The following IGF2BP2 variants were observed in gnomAD, a reference collection of about 807,000 sequenced individuals.
The protein encoded by IGF2BP2 is insulin like growth factor 2 mRNA binding protein 2, also known as insulin-like growth factor 2 mRNA-binding protein 2.
IGF2BP2 carries 17 observed loss-of-function variants against 75.8 expected under a neutral mutation model. The ratio of observed to expected loss-of-function variants is 0.22; its 90% CI spans 0.15 to 0.34. The LOEUF (loss-of-function observed/expected upper bound fraction) is 0.34. IGF2BP2 is among the 10% of genes least tolerant of loss of function. IGF2BP2 has a pLI of 1.00. For missense variants in IGF2BP2, 516 were observed against 772.4 expected (o/e 0.67, Z 3.93); for synonymous variants, 288 against 295.6 (o/e 0.97, Z 0.26).
chr3:185,694,997 G>T (rs1722399495), intron 4 of IGF2BP2, among the ~76,000 whole-genome samples: 1 of 152,150 alleles, frequency 6.6e-6, no homozygotes, highest in African/African-American at 2.4e-5. Context: ...TGAGGCACAA[G>T]AATTGCTTGA....
intron 9 of IGF2BP2, among the ~76,000 whole-genome samples, chr3:185,674,039 CTCA>C (rs1276549463): frequency 6.6e-6 from 1 of 152,196 alleles, no homozygotes; most frequent in African/African-American, 2.4e-5. Flanking sequence ...CTCATCACAC[CTCA>C]TAATTGTCAT....
chr3:185,658,804 T>A (rs1483056107), intron 10 of IGF2BP2, among the ~76,000 whole-genome samples: 2 of 152,062 alleles, frequency 1.3e-5, no homozygotes, highest in Non-Finnish European at 2.9e-5. Flanking sequence ...TTCTGGAGAA[T>A]GATGAGTCGT....
intron 2 of IGF2BP2, chr3:185,814,077 G>A (rs562801386): frequency 6.6e-6 from 1 of 152,382 alleles, no homozygotes; most frequent in South Asian, 2.1e-4. Flanking sequence ...CACTATCAGT[G>A]AGGACCAGTC....
At chr3:185,815,619 C>T (rs1218959630) in intron 2 of IGF2BP2, among the ~76,000 whole-genome samples, 1 of 152,192 alleles carries the variant, frequency 6.6e-6, no homozygotes, top group Non-Finnish European at 1.5e-5. Flanking sequence ...AGTTAACTCT[C>T]TTCCTCTCCC....
At chr3:185,728,062 G>A (rs1727604860) in intron 2 of IGF2BP2, among the ~76,000 whole-genome samples, 1 of 152,190 alleles carries the variant, frequency 6.6e-6, no homozygotes, top group Non-Finnish European at 1.5e-5. Flanking sequence ...AATGCATAGG[G>A]AGGGGCACTT....
chr3:185,787,033 T>C (rs975550230), intron 2 of IGF2BP2, among the ~76,000 whole-genome samples: 3 of 152,226 alleles, frequency 2.0e-5, no homozygotes, highest in Non-Finnish European at 2.9e-5. Context: ...TGGAGTCTGC[T>C]GACTCCTGAT....
intron 12 of IGF2BP2, 44 bp downstream of exon 12, chr3:185,657,242 A>G: frequency 7.5e-7 from 1 of 1,330,060 alleles, no homozygotes; most frequent in Non-Finnish European, 1.1e-6. Context: ...GTGGGATGAG[A>G]GGAGGTGGTA....
intron 13 of IGF2BP2, among the ~76,000 whole-genome samples, chr3:185,651,104 TCTCA>T (rs761866996): frequency 3.0e-4 from 45 of 152,094 alleles, no homozygotes; most frequent in Non-Finnish European, 6.5e-4. Flanking sequence ...GAGATGGGGG[TCTCA>T]CTGTGTTGCC....
At chr3:185,733,564 C>T (rs1294443560) in intron 2 of IGF2BP2, among the ~76,000 whole-genome samples, 2 of 152,186 alleles carry the variant, frequency 1.3e-5, no homozygotes, top group East Asian at 1.9e-4. Context: ...CGAGACCAGC[C>T]TGACCAACAT....
rs146757803 is a variant in IGF2BP2 at position 185,794,914 on chromosome 3, T to C, written c.239+28239A>G. The stretch of plus-strand genomic sequence containing the variant: ...AGTTATCTTTTCTTTTCTTTTTTTT[T>C]TGAGGCGGAGTCTCACTCTGTCGCC... On this transcript the variant is annotated intron_variant, in intron 2 of 15. Coordinates refer to ENST00000382199, the MANE Select transcript of IGF2BP2 (RefSeq NM_006548.6). Among the ~76,000 whole-genome samples the C allele has an allele frequency of 1.9e-3, 290 of 152,208 alleles. 1 individual carries two copies. The highest frequency in any genetic ancestry group is 6.5e-3 in the African/African-American group (270 of 41,522).
intron 14 of IGF2BP2, 43 bp downstream of exon 14, chr3:185,649,360 G>A (rs778201083): frequency 6.2e-7 from 1 of 1,607,496 alleles, no homozygotes. Context: ...GCCAGAGCGG[G>A]GAATCTGACC....
chr3:185,649,271 C>G lies in IGF2BP2; in HGVS notation c.1593+132G>C. The G allele has an allele frequency of 5.8e-6, 7 of 1,214,720 alleles. No homozygotes were observed. The South Asian group carries it at 8.9e-5, about 15-fold the overall frequency. 75.2% of individuals were successfully genotyped at this position (1,214,720 alleles called of 1,614,324 possible). A position where few individuals can be genotyped will look rare whatever the true frequency, so the allele number is the denominator to read the frequency against. ...TCAAAGGGCTCAGATGCCAGGAGAG[C>G]CTTAGTTTATCTGCCAAAGACCCTG... On this transcript the variant is annotated intron_variant, in intron 14 of 15. Transcript: ENST00000382199.
chr3:185,670,561 AATTTATTT>A (rs899276023), intron 10 of IGF2BP2, among the ~76,000 whole-genome samples: 2 of 151,918 alleles, frequency 1.3e-5, no homozygotes, highest in African/African-American at 2.4e-5. Context: ...TGAGATTACC[AATTTATTT>A]ATTTATTTAT....
chr3:185,652,874 C>T lies in IGF2BP2; in HGVS notation c.1387-706G>A, dbSNP rs147780789. ...TTGCCCAGGCTGGAGTGCAGTGGCGCGATCTCAGCTCACTACAACCTCTAC... is the reference window on the plus strand; with the variant it reads ...TTGCCCAGGCTGGAGTGCAGTGGCGTGATCTCAGCTCACTACAACCTCTAC... On this transcript the variant is annotated intron_variant, in intron 12 of 15. Transcript: ENST00000382199. 7.0e-3 allele frequency among the ~76,000 whole-genome samples: 1,070 copies of T among 152,206 alleles called. 30 individuals carry two copies. Among genetic ancestry groups the T allele is most frequent in the Admixed American group, 4.8e-3 (74 of 15,280 alleles).
At chr3:185,773,571 G>A (rs1734158564) in intron 2 of IGF2BP2, among the ~76,000 whole-genome samples, 1 of 152,080 alleles carries the variant, frequency 6.6e-6, no homozygotes, top group Non-Finnish European at 1.5e-5. Context: ...ATAGACTTTA[G>A]GTAAGTTTAA....
At chr3:185,660,088 C>T (rs375615576) in intron 10 of IGF2BP2, among the ~76,000 whole-genome samples, 7 of 152,184 alleles carry the variant, frequency 4.6e-5, no homozygotes, top group Non-Finnish European at 8.8e-5. Context: ...TGAACCACCG[C>T]GCCCGGTCTG....
intron 10 of IGF2BP2, among the ~76,000 whole-genome samples, chr3:185,665,359 A>AAGGAGGAGGAGGAGG (rs1717247485): frequency 4.8e-5 from 3 of 62,776 alleles, no homozygotes; most frequent in Admixed American, 3.1e-4. Flanking sequence ...GGAGGAGGAG[A>AAGGAGGAGGAGGAGG]AGGAGGAGGA....
At chr3:185,770,064 G>C (rs1733673423) in intron 2 of IGF2BP2, among the ~76,000 whole-genome samples, 1 of 152,098 alleles carries the variant, frequency 6.6e-6, no homozygotes, top group Admixed American at 6.5e-5. Context: ...ATAAGATCTG[G>C]GAACCCCTGG....
At position 185,784,263 on chromosome 3, in the gene IGF2BP2, T is replaced by TAGACAGACAGAC. The variant is rs534768952; in HGVS notation, c.239+38889_239+38890insGTCTGTCTGTCT. Among the ~76,000 whole-genome samples the TAGACAGACAGAC allele has an allele frequency of 3.2e-3, 298 of 93,380 alleles. 3 individuals carry two copies. The highest frequency in any genetic ancestry group is 0.019 in the African/African-American group (247 of 13,348). 61.3% of individuals were successfully genotyped at this position (93,380 alleles called of 152,430 possible). A position where few individuals can be genotyped will look rare whatever the true frequency, so the allele number is the denominator to read the frequency against. ...ATAAATAAACAAGTAGATAGATAGA[T>TAGACAGACAGAC]AGATAGACAGACAGACAGACAGACA... On this transcript the variant is annotated intron_variant, in intron 2 of 15. Coordinates refer to ENST00000382199, the MANE Select transcript of IGF2BP2 (RefSeq NM_006548.6).
Sources: gnomAD v4.1 joint callset for allele counts (sites outside exome capture counted in the v4.1 genomes callset) on GRCh38, gnomAD v4.1.1 for gene constraint, MANE v1.5 for transcripts, NCBI Gene and HGNC (gene_info 2026-07-23, HGNC 2026-07-21) for gene names.